Variants in KITLG observed in about 807,000 individuals in gnomAD.
The protein encoded by KITLG is c-Kit ligand.
In KITLG, 13 loss-of-function variants were observed where a neutral mutation model predicts 34.1. That is an observed-to-expected ratio of 0.38 (90% CI 0.25 to 0.61). The LOEUF (loss-of-function observed/expected upper bound fraction) is 0.61. Ranked by LOEUF, KITLG falls within the 20% of genes least tolerant of loss-of-function variation. The pLI is 0.60. For missense variants in KITLG, 292 were observed against 318.9 expected, an observed-to-expected ratio of 0.92 and a Z score of 0.64; for synonymous variants, 110 against 104.0, an observed-to-expected ratio of 1.06 and a Z score of -0.35.
chr12:88,544,531 C>T (rs1870642955), intron 2 of KITLG, among the ~76,000 whole-genome samples: 1 of 151,870 alleles, frequency 6.6e-6, no homozygotes, highest in African/African-American at 2.4e-5. Context: ...AAAGTACTCC[C>T]CCCTCACCCC....
At chr12:88,512,456 T>C (rs1159899568) in intron 6 of KITLG, among the ~76,000 whole-genome samples, 2 of 152,034 alleles carry the variant, frequency 1.3e-5, no homozygotes, top group Non-Finnish European at 2.9e-5. Context: ...AATGAGAGGA[T>C]AGATAAAATG....
At position 88,532,478 on chromosome 12, in the gene KITLG, A is replaced by G. The variant is rs775469044; in HGVS notation, c.155T>C (p.Met52Thr). 2.5e-6 allele frequency: 4 copies of G among 1,610,508 alleles called. No homozygotes were observed. Among genetic ancestry groups the G allele is most frequent in the Non-Finnish European group, 3.4e-6 (4 of 1,178,450 alleles). ...KLVANLPKDYMITLKYVPGMD... is the reference protein window; with the variant it reads ...KLVANLPKDYTITLKYVPGMD... Reference sequence around the variant, plus strand: ...CCCGGGGACATATTTGAGGGTTATCATGTAGTCTTTTGGAAGATTTGCCAC... The same window carrying G: ...CCCGGGGACATATTTGAGGGTTATCGTGTAGTCTTTTGGAAGATTTGCCAC... Residue 52 changes from methionine (M) to threonine (T), a missense_variant, in exon 3 of 10, where the codon ATG becomes ACG. By Grantham distance (81) the Met-to-Thr change is moderately conservative (BLOSUM62 -1). Coordinates refer to ENST00000644744, the MANE Select transcript of KITLG (RefSeq NM_000899.5).
At position 88,510,544 on chromosome 12, in the gene KITLG, A is replaced by G. The variant is rs1446970847; in HGVS notation, c.605-3407T>C. 2.6e-5 allele frequency among the ~76,000 whole-genome samples: 4 copies of G among 152,214 alleles called. No individual in the cohort carries two copies. In the South Asian group the frequency reaches 6.2e-4, roughly 24 times the overall value. ...GGTCAAGACTATTTCTAGAAAATGT[A>G]TAAGATAATGTCAAAGTTAGGATTT... On this transcript the variant is annotated intron_variant, in intron 6 of 9. Coordinates refer to ENST00000644744, the MANE Select transcript of KITLG (RefSeq NM_000899.5).
At chr12:88,548,570 A>T (rs1300003430) in intron 1 of KITLG, among the ~76,000 whole-genome samples, 1 of 152,158 alleles carries the variant, frequency 6.6e-6, no homozygotes, top group Non-Finnish European at 1.5e-5. Context: ...TGGCAATGAT[A>T]GGTGATGTTG....
chr12:88,559,919 A>G (rs571117268), intron 1 of KITLG, among the ~76,000 whole-genome samples: 42 of 152,332 alleles, frequency 2.8e-4, no homozygotes, highest in Middle Eastern at 3.4e-3. Context: ...TGCAGGTTCA[A>G]TGACATGCCC....
At chr12:88,578,540 G>A (rs1340614120) in intron 1 of KITLG, among the ~76,000 whole-genome samples, 2 of 152,120 alleles carry the variant, frequency 1.3e-5, no homozygotes, top group East Asian at 3.9e-4. Flanking sequence ...CATGTAATCC[G>A]ATTTACACAG....
At chr12:88,524,916 C>T (rs932060921) in intron 3 of KITLG, among the ~76,000 whole-genome samples, 3 of 151,974 alleles carry the variant, frequency 2.0e-5, no homozygotes, top group Admixed American at 6.6e-5. Context: ...GAGAGAATGC[C>T]GCATCATAGG....
chr12:88,518,981 G>T, intron 3 of KITLG, 114 bp from the exon 4 acceptor site: 1 of 914,470 alleles, frequency 1.1e-6, no homozygotes, highest in Non-Finnish European at 1.7e-6. Context: ...TCCTGCCTCA[G>T]CCTCTCGAGT....
At position 88,505,066 on chromosome 12, in the gene KITLG, A is replaced by G; in HGVS notation, c.*37+93T>C. 3 of 655,408 alleles carry G rather than the reference A, an allele frequency of 4.6e-6. No individual in the cohort carries two copies. In the Admixed American group the frequency reaches 7.6e-5, roughly 17 times the overall value. The allele number at this position is 655,408 out of a possible 1,614,324, so 40.6% of individuals were successfully genotyped here. On this transcript the variant is annotated intron_variant, in intron 9 of 9. Transcript: ENST00000644744. ...GCACACCAACATGGCACATGTAAACATACGTAACAAACCTGCACATTGTGC... is the reference window on the plus strand; with the variant it reads ...GCACACCAACATGGCACATGTAAACGTACGTAACAAACCTGCACATTGTGC...
chr12:88,576,055 A>G (rs546919556), intron 1 of KITLG, among the ~76,000 whole-genome samples: 6 of 152,284 alleles, frequency 3.9e-5, no homozygotes, highest in East Asian at 1.9e-4. Context: ...AGTCCAAAAT[A>G]AAATAAAATA....
Position 88,573,484 on chromosome 12 carries a change from T to A in KITLG, c.15+6780A>T, listed in dbSNP as rs1205371402. 3.9e-5 allele frequency among the ~76,000 whole-genome samples: 6 copies of A among 152,124 alleles called. 1 individual carries two copies. Among genetic ancestry groups the A allele is most frequent in the Non-Finnish European group, 1.5e-5 (1 of 68,020 alleles). On this transcript the variant is annotated intron_variant, in intron 1 of 9. Coordinates refer to ENST00000644744, the MANE Select transcript of KITLG (RefSeq NM_000899.5). Reference sequence around the variant, plus strand: ...ACCTGGTTCACTGCCACTCAAATACTCACATTTAGGTGAAACAAGCCAATA... The same window carrying A: ...ACCTGGTTCACTGCCACTCAAATACACACATTTAGGTGAAACAAGCCAATA...
At chr12:88,499,211 T>C (rs947587689) in intron 9 of KITLG, among the ~76,000 whole-genome samples, 1 of 152,128 alleles carries the variant, frequency 6.6e-6, no homozygotes, top group African/African-American at 2.4e-5. Context: ...TTTCTAATCA[T>C]CTGCTTTACA....
chr12:88,527,882 G>A (rs1869936561), intron 3 of KITLG, among the ~76,000 whole-genome samples: 1 of 152,180 alleles, frequency 6.6e-6, no homozygotes, highest in South Asian at 2.1e-4. Context: ...TTTTCTTAAA[G>A]GGGAGGACTG....
chr12:88,544,514 A>G (rs1290169668), intron 2 of KITLG, among the ~76,000 whole-genome samples: 2 of 151,376 alleles, frequency 1.3e-5, no homozygotes, highest in Non-Finnish European at 2.9e-5. Flanking sequence ...ATGTTTTTAA[A>G]AAAAAAAAAG....
At chr12:88,516,629 C>T (rs1249015526) in intron 4 of KITLG, 139 bp from the exon 5 acceptor site, 9 of 579,526 alleles carry the variant, frequency 1.6e-5, no homozygotes, top group African/African-American at 3.8e-5. Flanking sequence ...GCTGTTTTAA[C>T]GTATGTAATT....
In KITLG at chr12:88,496,378, C is replaced by T. The variant is rs1302931823; in HGVS notation, c.*841G>A. ...AACACATCATAACACATTTTGCAAA[C>T]ACGATTTATACACCCTATAGTGGTC... On this transcript the variant is annotated 3_prime_UTR_variant, in exon 10 of 10. Transcript: ENST00000644744. 1 of 152,142 alleles carries T rather than the reference C, an allele frequency of 6.6e-6. No homozygotes were observed. Among genetic ancestry groups the T allele is most frequent in the Admixed American group, 6.6e-5 (1 of 15,258 alleles). 9.4% of individuals were successfully genotyped at this position (152,142 alleles called of 1,614,324 possible).
Position 88,495,153 on chromosome 12 carries a change from A to T in KITLG, c.*2066T>A, listed in dbSNP as rs1420991092. ...GATTAAGACCATGTCCATGAGTGTT[A>T]AAACCCAGCTACTAGGTTTGAGGAC... On this transcript the variant is annotated 3_prime_UTR_variant, in exon 10 of 10. Coordinates refer to ENST00000644744, the MANE Select transcript of KITLG (RefSeq NM_000899.5). The T allele has an allele frequency of 6.6e-6, 1 of 152,024 alleles. No homozygotes were observed. Among genetic ancestry groups the T allele is most frequent in the Non-Finnish European group, 1.5e-5 (1 of 67,946 alleles). 9.4% of individuals were successfully genotyped at this position (152,024 alleles called of 1,614,324 possible). A position where few individuals can be genotyped will look rare whatever the true frequency, so the allele number is the denominator to read the frequency against.
intron 2 of KITLG, among the ~76,000 whole-genome samples, chr12:88,541,486 T>C (rs1424970392): frequency 6.6e-6 from 1 of 152,002 alleles, no homozygotes; most frequent in Non-Finnish European, 1.5e-5. Context: ...AAGAGAAGAG[T>C]AGGGAGAATA....
chr12:88,526,221 C>T (rs1172449482), intron 3 of KITLG, among the ~76,000 whole-genome samples: 2 of 152,136 alleles, frequency 1.3e-5, no homozygotes, highest in African/African-American at 4.8e-5. Flanking sequence ...GCAAAAATAA[C>T]TCAATTAAAG....
Sources: allele counts gnomAD v4.1 joint callset (sites outside exome capture counted in the v4.1 genomes callset), GRCh38; gene constraint gnomAD v4.1.1; transcripts MANE v1.5; gene names NCBI Gene and HGNC (gene_info 2026-07-23, HGNC 2026-07-21).